XRCC3: variants seen among roughly 807,000 people sequenced by gnomAD.
XRCC3 encodes DNA repair protein XRCC3.
A neutral mutation model predicts 29.2 loss-of-function variants in XRCC3; 34 were observed. The observed-to-expected ratio is 1.16, with a 90% confidence interval of 0.88 to 1.55. The LOEUF is 1.55. Among genes scored for constraint, XRCC3 ranks in the 40% most tolerant of loss-of-function variants. The pLI is 0.00. For synonymous variants in XRCC3, 223 were observed against 211.3 expected, an observed-to-expected ratio of 1.06 and a Z score of -0.48; for missense variants, 463 against 467.6, an observed-to-expected ratio of 0.99 and a Z score of 0.09.
intron 7 of XRCC3, chr14:103,700,145 T>C (rs886912147): frequency 2.5e-5 from 5 of 202,988 alleles, no homozygotes; most frequent in African/African-American, 7.0e-5. Context: ...TGGGGCACTC[T>C]GGGAGACCAC....
At chr14:103,707,327 C>T (rs934710362) in intron 5 of XRCC3, 112 bp from the exon 6 acceptor site, 1 of 1,354,922 alleles carries the variant, frequency 7.4e-7, no homozygotes, top group South Asian at 1.3e-5. Context: ...GGCTGGAGCA[C>T]AGGTGCCTGC....
In XRCC3 at chr14:103,698,351, T is replaced by G. The variant is rs992090212; in HGVS notation, c.*447A>C. 1 of 226,038 alleles carries G rather than the reference T, an allele frequency of 4.4e-6. No homozygotes were observed. Among genetic ancestry groups the G allele is most frequent in the East Asian group, 1.2e-4 (1 of 8,664 alleles). The allele number at this position is 226,038 out of a possible 1,614,324, so 14.0% of individuals were successfully genotyped here. A position where few individuals can be genotyped will look rare whatever the true frequency, so the allele number is the denominator to read the frequency against. ...TGGTGGGGGAGTAAGGACTGCCCTG[T>G]GTGCAGGAGGGGAGACCCTCGTGGG... is the stretch of plus-strand genomic sequence containing the variant. On this transcript the variant is annotated 3_prime_UTR_variant, in exon 10 of 10. Coordinates refer to ENST00000555055, the MANE Select transcript of XRCC3 (RefSeq NM_005432.4).
At position 103,708,604 on chromosome 14, in the gene XRCC3, T is replaced by C; in HGVS notation, c.111A>G (p.Arg37=). The C allele has an allele frequency of 6.2e-7, 1 of 1,614,204 alleles. No homozygotes were observed. The highest frequency in any genetic ancestry group is 8.5e-7 in the Non-Finnish European group (1 of 1,180,038). The stretch of plus-strand genomic sequence containing the variant: ...CCTCGGGGCTGGAGAGGTTGGTCAG[T>C]CTCTTCAAGTCTGGTCCAGAAAAGT... ...VLHFSGPDLK[R]LTNLSSPEVW... is the part of the protein sequence containing the mutation. The change falls in exon 5 of 10, where the codon AGA becomes AGG. Residue 37 remains arginine (R), a synonymous_variant. Transcript: ENST00000555055.
chr14:103,701,327 CTG>C, intron 7 of XRCC3: 1 of 1,030,548 alleles, frequency 9.7e-7, no homozygotes. Flanking sequence ...TCTCCTGCGT[CTG>C]TGTGCATAGG....
rs935627734 is a variant in XRCC3, at chr14:103,711,165, G to C, written c.-78C>G. 4.6e-6 allele frequency: 7 copies of C among 1,531,282 alleles called. No homozygotes were observed. Among genetic ancestry groups the C allele is most frequent in the African/African-American group, 1.4e-5 (1 of 73,156 alleles). The allele number at this position is 1,531,282 out of a possible 1,614,324, so 94.9% of individuals were successfully genotyped here. A position where few individuals can be genotyped will look rare whatever the true frequency, so the allele number is the denominator to read the frequency against. On this transcript the variant is annotated 5_prime_UTR_variant, in exon 4 of 10. Transcript: ENST00000555055. ...AATGGATGCAAATTCTGAGGCACTCGCCTTCAATTCAAAGCCTGTGGGAGG... is the reference window on the plus strand; with the variant it reads ...AATGGATGCAAATTCTGAGGCACTCCCCTTCAATTCAAAGCCTGTGGGAGG...
At position 103,711,473 on chromosome 14, in the gene XRCC3, G is replaced by A. The variant is rs199632866; in HGVS notation, c.-166C>T. The A allele has an allele frequency of 2.1e-6, 1 of 485,860 alleles. No individual in the cohort carries two copies. Among genetic ancestry groups the A allele is most frequent in the East Asian group, 6.1e-5 (1 of 16,310 alleles). 30.1% of individuals were successfully genotyped at this position (485,860 alleles called of 1,614,324 possible). ...GTGCCCTGCCCGACTCACCTCTCTG[G>A]GGCTTGGGGATGACCCGCGTGTTTT... On this transcript the variant is annotated 5_prime_UTR_variant, in exon 3 of 10. Transcript: ENST00000555055.
intron 7 of XRCC3, 74 bp downstream of exon 7, chr14:103,703,098 CG>C: frequency 6.5e-7 from 1 of 1,536,454 alleles, no homozygotes; most frequent in African/African-American, 1.4e-5. Flanking sequence ...ACCCCATTGC[CG>C]TGGTGGCTAC....
chr14:103,713,420 C>T (rs1238549706), intron 1 of XRCC3: 1 of 152,498 alleles, frequency 6.6e-6, no homozygotes, highest in Admixed American at 6.5e-5. Context: ...CAGCCCATCT[C>T]TCTACACCGG....
intron 5 of XRCC3, chr14:103,708,049 CGCTGCCTACTAGGGCCT>C: frequency 3.8e-6 from 1 of 263,094 alleles, no homozygotes; most frequent in Admixed American, 5.0e-5. Flanking sequence ...GCCAGGACCC[CGCTGCCTACTAGGGCCT>C]GCTGAGATGC....
At chr14:103,707,258 G>A (rs1307737515) in intron 5 of XRCC3, 43 bp from the exon 6 acceptor site, 1 of 1,546,296 alleles carries the variant, frequency 6.5e-7, no homozygotes, top group African/African-American at 1.4e-5. Flanking sequence ...TCCTGGGCCT[G>A]CGGGCAGGGC....
chr14:103,711,528 C>T lies in XRCC3; in HGVS notation c.-221G>A. On this transcript the variant is annotated 5_prime_UTR_variant, in exon 3 of 10. In the 5' UTR this introduces an upstream ATG that the reference lacks. Coordinates refer to ENST00000555055, the MANE Select transcript of XRCC3 (RefSeq NM_005432.4). ...TGACTTGACTGAGGCATCTCTTGCA[C>T]TCTGCAGTTTAATTTCCCTTAAGTG... The T allele has an allele frequency of 2.2e-6, 1 of 461,776 alleles. No homozygotes were observed. The highest frequency in any genetic ancestry group is 1.5e-5 in the South Asian group (1 of 64,640). The allele number at this position is 461,776 out of a possible 1,614,324, so 28.6% of individuals were successfully genotyped here.
Position 103,707,026 on chromosome 14 carries a change from C to A in XRCC3, c.383G>T (p.Arg128Leu). 1 of 1,563,668 alleles carries A rather than the reference C, an allele frequency of 6.4e-7. No homozygotes were observed. ...LQLCLAVQFPRQHGGLEAGAV... is the reference protein window; with the variant it reads ...LQLCLAVQFPLQHGGLEAGAV... Reference sequence around the variant, plus strand: ...ACCAGCCTCCAGGCCTCCGTGCTGCCGCGGGAACTGCACAGCCAGGCAGAG... The same window carrying A: ...ACCAGCCTCCAGGCCTCCGTGCTGCAGCGGGAACTGCACAGCCAGGCAGAG... The change falls in exon 6 of 10, where the codon CGG becomes CTG. Residue 128 changes from arginine to leucine, a missense_variant. Physicochemically the swap from Arg to Leu is moderately radical, Grantham distance 102 (BLOSUM62 -2). Transcript: ENST00000555055.
At chr14:103,714,834 T>C (rs2083753304) in intron 1 of XRCC3, among the ~76,000 whole-genome samples, 1 of 152,104 alleles carries the variant, frequency 6.6e-6, no homozygotes, top group African/African-American at 2.4e-5. Flanking sequence ...TACAGGCACG[T>C]GCCACCACAC....
intron 5 of XRCC3, chr14:103,708,111 G>A (rs980602605): frequency 3.0e-6 from 1 of 334,582 alleles, no homozygotes; most frequent in African/African-American, 2.1e-5. Context: ...GGCGCATGGG[G>A]TTCCCTGGGT....
At chr14:103,703,689 A>T in intron 6 of XRCC3, 1 of 346,720 alleles carries the variant, frequency 2.9e-6, no homozygotes, top group Admixed American at 3.9e-5. Flanking sequence ...GCAGGGAGCA[A>T]GTGGCAGCAT....
At chr14:103,699,920 A>G (rs1332406185) in intron 7 of XRCC3, 4 of 370,754 alleles carry the variant, frequency 1.1e-5, no homozygotes, top group Non-Finnish European at 2.1e-5. Context: ...TCCTTCTGCC[A>G]TGGTTTCACC....
At chr14:103,700,721 C>A in intron 7 of XRCC3, 4 of 1,597,818 alleles carry the variant, frequency 2.5e-6, no homozygotes, top group Non-Finnish European at 3.4e-6. Context: ...AAGACGCCAC[C>A]GCTAACGTGA....
intron 6 of XRCC3, 103 bp from the exon 7 acceptor site, chr14:103,703,430 C>G (rs2083311527): frequency 7.4e-7 from 1 of 1,347,274 alleles, no homozygotes; most frequent in Non-Finnish European, 1.0e-6. Flanking sequence ...AACTCTCTGC[C>G]CCTCACAGGT....
At chr14:103,699,102 A>G (rs950190832) in intron 9 of XRCC3, 31 bp downstream of exon 9, 4 of 1,568,862 alleles carry the variant, frequency 2.5e-6, no homozygotes, top group Non-Finnish European at 3.5e-6. Context: ...GCACCTGCAC[A>G]GAGGTGCACA....
Sources: allele counts gnomAD v4.1 joint callset (sites outside exome capture counted in the v4.1 genomes callset), GRCh38; gene constraint gnomAD v4.1.1; transcripts MANE v1.5; gene names NCBI Gene and HGNC (gene_info 2026-07-23, HGNC 2026-07-21).